Variants in EXOC6B observed in about 807,000 individuals in gnomAD.
EXOC6B encodes exocyst complex component 6B.
A neutral mutation model predicts 113.5 loss-of-function variants in EXOC6B; 54 were observed. The ratio of observed to expected loss-of-function variants is 0.48; its 90% CI spans 0.38 to 0.60. The LOEUF (loss-of-function observed/expected upper bound fraction) is 0.60. EXOC6B is among the 20% of genes least tolerant of loss of function. The pLI is 0.00. For synonymous variants in EXOC6B, 357 were observed against 339.0 expected (o/e 1.05, Z -0.58); for missense variants, 797 against 977.5 (o/e 0.82, Z 2.46).
Position 72,691,855 on chromosome 2 carries a change from T to C in EXOC6B, c.669+26248A>G, listed in dbSNP as rs563811269. 2.0e-3 allele frequency among the ~76,000 whole-genome samples: 303 copies of C among 150,466 alleles called. 1 individual carries two copies. Among genetic ancestry groups the C allele is most frequent in the African/African-American group, 6.9e-3 (285 of 41,174 alleles). Reference sequence around the variant, plus strand: ...CACCACCCCACCTGGATTTTTTTTTTCTATTTTTAGAAGAGATGGGGTTTC... The same window carrying C: ...CACCACCCCACCTGGATTTTTTTTTCCTATTTTTAGAAGAGATGGGGTTTC... On this transcript the variant is annotated intron_variant, in intron 6 of 21. Coordinates refer to ENST00000272427, the MANE Select transcript of EXOC6B (RefSeq NM_015189.3).
At chr2:72,774,883 A>C (rs765972744) in intron 1 of EXOC6B, among the ~76,000 whole-genome samples, 28 of 152,154 alleles carry the variant, frequency 1.8e-4, no homozygotes, top group Admixed American at 1.3e-4. Context: ...CTACAAATTC[A>C]AGTGTTGCCA....
In EXOC6B at chr2:72,496,449, C is replaced by T. The variant is rs776621349; in HGVS notation, c.1443+5G>A. 6 of 1,549,688 alleles carry T rather than the reference C, an allele frequency of 3.9e-6. No homozygotes were observed. Among genetic ancestry groups the T allele is most frequent in the Non-Finnish European group, 5.3e-6 (6 of 1,131,516 alleles). On this transcript the variant is annotated splice_donor_5th_base_variant and intron_variant, in intron 14 of 21. Coordinates refer to ENST00000272427, the MANE Select transcript of EXOC6B (RefSeq NM_015189.3). ...CAGAGAAATTTATTTTAAAGTATTCCTTACCTTTTCCAGTTCTATATCTTG... is the reference window on the plus strand; with the variant it reads ...CAGAGAAATTTATTTTAAAGTATTCTTTACCTTTTCCAGTTCTATATCTTG...
chr2:72,191,775 A>C (rs1382585061), intron 20 of EXOC6B, among the ~76,000 whole-genome samples: 2 of 152,240 alleles, frequency 1.3e-5, no homozygotes, highest in Non-Finnish European at 2.9e-5. Context: ...AGGATAAAGC[A>C]GGACTCTGTT....
chr2:72,420,456 C>T (rs953579227), intron 18 of EXOC6B, among the ~76,000 whole-genome samples: 1 of 152,104 alleles, frequency 6.6e-6, no homozygotes, highest in African/African-American at 2.4e-5. Context: ...TCTCATTGTT[C>T]ACCTCCCACT....
chr2:72,422,399 C>T (rs913077921), intron 18 of EXOC6B, among the ~76,000 whole-genome samples: 5 of 151,180 alleles, frequency 3.3e-5, no homozygotes, highest in East Asian at 1.9e-4. Flanking sequence ...CCAATTGACA[C>T]TCTGTATCTA....
intron 20 of EXOC6B, among the ~76,000 whole-genome samples, chr2:72,246,325 C>T (rs1682655039): frequency 6.6e-6 from 1 of 152,138 alleles, no homozygotes; most frequent in East Asian, 1.9e-4. Flanking sequence ...TAGAATCCAA[C>T]TTACTGTCAT....
At position 72,492,384 on chromosome 2, in the gene EXOC6B, C is replaced by T. The variant is rs774292278; in HGVS notation, c.1599G>A (p.Leu533=). ...GAGAGTTGCTCAGAGTCCTGGTTAG[C>T]AACAGGTTTGTTGATTTCCGAATCA... ...DDMIRKSTNL[L]LTRTLSNSLQ... is the part of the protein sequence containing the mutation. Residue 533 remains leucine (L), a synonymous_variant, in exon 16 of 22, where the codon TTG becomes TTA. Transcript: ENST00000272427. 8.7e-6 allele frequency: 14 copies of T among 1,612,940 alleles called. No homozygotes were observed. In the South Asian group the frequency reaches 1.2e-4, roughly 14 times the overall value.
intron 8 of EXOC6B, among the ~76,000 whole-genome samples, chr2:72,537,790 A>G (rs1196759852): frequency 3.9e-5 from 6 of 152,178 alleles, no homozygotes; most frequent in Non-Finnish European, 7.3e-5. Flanking sequence ...TTGTCCAGAG[A>G]CACTCACCAA....
chr2:72,277,846 CAT>C (rs566137209), intron 20 of EXOC6B, among the ~76,000 whole-genome samples: 1,472 of 118,682 alleles, frequency 0.012, 13 homozygotes, highest in Non-Finnish European at 0.014. Context: ...AATTATACCC[CAT>C]TTTTTTTTAT....
chr2:72,304,154 C>A (rs979396421), intron 20 of EXOC6B, among the ~76,000 whole-genome samples: 3 of 152,142 alleles, frequency 2.0e-5, no homozygotes, highest in Non-Finnish European at 4.4e-5. Flanking sequence ...CTGCCTCAAC[C>A]TTTTTAAGGA....
rs554085117 is a variant in EXOC6B at position 72,562,939 on chromosome 2, T to G, written c.847-3418A>C. Among the ~76,000 whole-genome samples the G allele has an allele frequency of 8.5e-4, 129 of 152,270 alleles. 1 individual carries two copies. The highest frequency in any genetic ancestry group is 3.1e-3 in the African/African-American group (129 of 41,572). Reference sequence around the variant, plus strand: ...TAGTTGTTTTCCTTAAGAATTCACGTGAAATAGTTTCATCACCAAGGACAG... The same window carrying G: ...TAGTTGTTTTCCTTAAGAATTCACGGGAAATAGTTTCATCACCAAGGACAG... On this transcript the variant is annotated intron_variant, in intron 7 of 21. Coordinates refer to ENST00000272427, the MANE Select transcript of EXOC6B (RefSeq NM_015189.3).
At chr2:72,343,403 G>A (rs1689147851) in intron 19 of EXOC6B, among the ~76,000 whole-genome samples, 1 of 152,168 alleles carries the variant, frequency 6.6e-6, no homozygotes, top group African/African-American at 2.4e-5. Flanking sequence ...CTCCAGCCTG[G>A]GCAACAGAGT....
At chr2:72,714,228 C>T (rs1012804632) in intron 6 of EXOC6B, among the ~76,000 whole-genome samples, 3 of 152,070 alleles carry the variant, frequency 2.0e-5, no homozygotes. Flanking sequence ...TATGGTGTTG[C>T]CCCCAACAAA....
chr2:72,782,629 C>G (rs1254114243), intron 1 of EXOC6B, among the ~76,000 whole-genome samples: 1 of 152,134 alleles, frequency 6.6e-6, no homozygotes, highest in Non-Finnish European at 1.5e-5. Flanking sequence ...AAACTTATTC[C>G]TTCTAACTGT....
intron 6 of EXOC6B, among the ~76,000 whole-genome samples, chr2:72,698,922 C>G (rs916515812): frequency 9.2e-5 from 14 of 152,190 alleles, no homozygotes; most frequent in African/African-American, 3.4e-4. Flanking sequence ...AGAAAAGGAA[C>G]ATCCCAGAAT....
At chr2:72,514,056 T>C (rs900725303) in intron 10 of EXOC6B, among the ~76,000 whole-genome samples, 6 of 152,136 alleles carry the variant, frequency 3.9e-5, no homozygotes, top group African/African-American at 1.4e-4. Context: ...GAAATGTAAT[T>C]CCGTACCACT....
At chr2:72,518,976 T>A (rs561756906) in intron 8 of EXOC6B, among the ~76,000 whole-genome samples, 11 of 152,308 alleles carry the variant, frequency 7.2e-5, no homozygotes, top group Admixed American at 2.0e-4. Context: ...CTAACCTGGG[T>A]AACTGGTTTG....
At chr2:72,774,772 T>C (rs550548772) in intron 1 of EXOC6B, among the ~76,000 whole-genome samples, 2 of 152,258 alleles carry the variant, frequency 1.3e-5, no homozygotes, top group East Asian at 3.9e-4. Flanking sequence ...GGAGTTAGCA[T>C]CAGACTCCAC....
At chr2:72,310,844 TCATTTAACA>T (rs1687140252) in intron 20 of EXOC6B, among the ~76,000 whole-genome samples, 1 of 140,066 alleles carries the variant, frequency 7.1e-6, no homozygotes, top group Non-Finnish European at 1.5e-5. Flanking sequence ...ATGTGTTATT[TCATTTAACA>T]CACACACACA....
Sources: gnomAD v4.1 joint callset for allele counts (sites outside exome capture counted in the v4.1 genomes callset) on GRCh38, gnomAD v4.1.1 for gene constraint, MANE v1.5 for transcripts, NCBI Gene and HGNC (gene_info 2026-07-23, HGNC 2026-07-21) for gene names.